Variants in MACC1 observed in about 807,000 individuals in gnomAD.
MACC1 encodes the protein MET transcriptional regulator MACC1, also known as metastasis-associated in colon cancer protein 1.
MACC1 carries 79 observed loss-of-function variants against 70.7 expected under a neutral mutation model. The observed-to-expected ratio is 1.12, with a 90% CI of 0.93 to 1.35. The LOEUF is 1.35. MACC1 is among the 40% of genes most tolerant of loss of function. The pLI is 0.00. For missense variants in MACC1, 1,106 were observed against 978.1 expected (o/e 1.13, Z -1.74); for synonymous variants, 361 against 347.2 (o/e 1.04, Z -0.44).
At chr7:20,173,750 A>G (rs1782348746) in intron 1 of MACC1, among the ~76,000 whole-genome samples, 1 of 152,150 alleles carries the variant, frequency 6.6e-6, no homozygotes, top group Non-Finnish European at 1.5e-5. Flanking sequence ...GTAGTCTCTG[A>G]AATGTAATAA....
At chr7:20,215,332 A>G (rs1020786384) in intron 1 of MACC1, among the ~76,000 whole-genome samples, 20 of 152,088 alleles carry the variant, frequency 1.3e-4, no homozygotes, top group African/African-American at 3.9e-4. Context: ...TAGCCTCTAA[A>G]CCCAGCCCAG....
intron 1 of MACC1, among the ~76,000 whole-genome samples, chr7:20,191,496 G>A (rs1782671980): frequency 6.6e-6 from 1 of 152,146 alleles, no homozygotes; most frequent in African/African-American, 2.4e-5. Flanking sequence ...TGCTCTGTAG[G>A]AGTTGGTGCT....
intron 2 of MACC1, among the ~76,000 whole-genome samples, chr7:20,165,788 A>G (rs1383087600): frequency 6.6e-6 from 1 of 152,174 alleles, no homozygotes; most frequent in African/African-American, 2.4e-5. Context: ...TTAATTTGGG[A>G]CATGGTTTTT....
At chr7:20,142,852 C>T (rs1489969202) in intron 6 of MACC1, among the ~76,000 whole-genome samples, 3 of 152,170 alleles carry the variant, frequency 2.0e-5, no homozygotes, top group Admixed American at 6.5e-5. Context: ...TTCAAATTGT[C>T]ACGTATTTTT....
At chr7:20,204,555 T>G (rs1055781817) in intron 1 of MACC1, among the ~76,000 whole-genome samples, 4 of 152,158 alleles carry the variant, frequency 2.6e-5, no homozygotes, top group African/African-American at 9.7e-5. Context: ...TCAATCCGAG[T>G]CCAAGTGAAA....
intron 1 of MACC1, among the ~76,000 whole-genome samples, chr7:20,199,711 AG>A (rs1244448119): frequency 5.9e-5 from 9 of 152,246 alleles, no homozygotes; most frequent in African/African-American, 2.2e-4. Context: ...AGGAACTCAC[AG>A]AGGTGAGTCA....
chr7:20,187,339 C>G (rs1267876598), intron 1 of MACC1, among the ~76,000 whole-genome samples: 1 of 151,984 alleles, frequency 6.6e-6, no homozygotes, highest in African/African-American at 2.4e-5. Context: ...ACAACAGGAA[C>G]AAAAAAATTC....
At chr7:20,193,927 G>C (rs1433912372) in intron 1 of MACC1, among the ~76,000 whole-genome samples, 2 of 151,954 alleles carry the variant, frequency 1.3e-5, no homozygotes, top group Non-Finnish European at 1.5e-5. Context: ...CATGTTTAAA[G>C]AAAACATTTG....
At chr7:20,217,253 A>C (rs1486043878) in intron 1 of MACC1, 46 bp downstream of exon 1, 1 of 152,222 alleles carries the variant, frequency 6.6e-6, no homozygotes, top group Non-Finnish European at 1.5e-5. Context: ...TGTGTAGCAC[A>C]TATCAATAGT....
chr7:20,166,429 CTGT>C (rs1183166759), intron 2 of MACC1, among the ~76,000 whole-genome samples: 1 of 152,160 alleles, frequency 6.6e-6, no homozygotes, highest in Non-Finnish European at 1.5e-5. Context: ...CATTACCATG[CTGT>C]GAGTGGCCTT....
chr7:20,149,298 T>A (rs1425958362), intron 6 of MACC1, among the ~76,000 whole-genome samples: 3 of 152,190 alleles, frequency 2.0e-5, no homozygotes, highest in Non-Finnish European at 4.4e-5. Context: ...TATTTTATTC[T>A]ATTTTCCAAA....
chr7:20,158,897 T>C lies in MACC1; in HGVS notation c.1464A>G (p.Gln488=), dbSNP rs769854295. 1.2e-6 allele frequency: 2 copies of C among 1,614,062 alleles called. No homozygotes were observed. Among genetic ancestry groups the C allele is most frequent in the Non-Finnish European group, 1.7e-6 (2 of 1,180,014 alleles). Residue 488 remains glutamine (Q), a synonymous_variant, in exon 5 of 7, where the codon CAA becomes CAG. Transcript: ENST00000400331. ...CTGGTTCACCATTGGGAGGCTCCAC[T>C]TGAACACAAAAATCAAACAAGTGCA... ...REMHLFDFCV[Q]VEPPNGEPVA...
At position 20,139,951 on chromosome 7, in the gene MACC1, G is replaced by A. The variant is rs981452699; in HGVS notation, c.*995C>T. 2 of 151,938 alleles carry A rather than the reference G, an allele frequency of 1.3e-5. No homozygotes were observed. Among genetic ancestry groups the A allele is most frequent in the African/African-American group, 4.8e-5 (2 of 41,352 alleles). The allele number at this position is 151,938 out of a possible 1,614,324, so 9.4% of individuals were successfully genotyped here. The stretch of plus-strand genomic sequence containing the variant: ...TCAACAGGGTAATCAAGTTAATCAA[G>A]TTTCTGGTGGTGGTGGTTTTTAATA... On this transcript the variant is annotated 3_prime_UTR_variant, in exon 7 of 7. Coordinates refer to ENST00000400331, the MANE Select transcript of MACC1 (RefSeq NM_182762.4).
At chr7:20,148,859 A>C (rs1781933867) in intron 6 of MACC1, among the ~76,000 whole-genome samples, 1 of 152,218 alleles carries the variant, frequency 6.6e-6, no homozygotes, top group African/African-American at 2.4e-5. Flanking sequence ...CATTCTATAC[A>C]TTTTACAACT....
chr7:20,145,297 T>G (rs1781873089), intron 6 of MACC1, among the ~76,000 whole-genome samples: 1 of 152,010 alleles, frequency 6.6e-6, no homozygotes. Context: ...TTAGCAGGAC[T>G]TTGGTAACTT....
In MACC1 at chr7:20,140,840, GAC is replaced by G. The variant is rs374483273; in HGVS notation, c.*104_*105del. 1.1e-3 allele frequency: 753 copies of G among 677,828 alleles called. 1 individual carries two copies. The highest frequency in any genetic ancestry group is 2.0e-3 in the Middle Eastern group (6 of 2,958). The allele number at this position is 677,828 out of a possible 1,614,324, so 42.0% of individuals were successfully genotyped here. On this transcript the variant is annotated 3_prime_UTR_variant, in exon 7 of 7. Coordinates refer to ENST00000400331, the MANE Select transcript of MACC1 (RefSeq NM_182762.4). ...ACACACACACAGACACACACACACA[GAC>G]ACACACACACAGACACACAGAGACA...
At position 20,154,343 on chromosome 7, in the gene MACC1, A is replaced by G; in HGVS notation, c.2196T>C (p.Arg732=). The G allele has an allele frequency of 2.5e-6, 4 of 1,613,880 alleles. No individual in the cohort carries two copies. Among genetic ancestry groups the G allele is most frequent in the African/African-American group, 1.3e-5 (1 of 75,020 alleles). Residue 732 remains arginine, a synonymous_variant, in exon 6 of 7, where the codon CGT becomes CGC. Coordinates refer to ENST00000400331, the MANE Select transcript of MACC1 (RefSeq NM_182762.4). ...TCAGAACAGCAGCTTCTTGGATGAG[A>G]CGTGCGACTAACTCTTGGCAATCCA... is the stretch of plus-strand genomic sequence containing the variant. ...LKMDCQELVA[R]LIQEAAVLTS...
chr7:20,201,941 C>T (rs1378155579), intron 1 of MACC1, among the ~76,000 whole-genome samples: 2 of 152,192 alleles, frequency 1.3e-5, no homozygotes, highest in East Asian at 1.9e-4. Context: ...AATTATTCTT[C>T]GTGTTTTTTC....
intron 1 of MACC1, among the ~76,000 whole-genome samples, chr7:20,174,291 G>C (rs78513711): frequency 0.013 from 2,039 of 152,196 alleles, 44 homozygotes; most frequent in African/African-American, 0.046. Context: ...ATCAGCATCT[G>C]GCAAAACTTA....
Sources: allele counts gnomAD v4.1 joint callset (sites outside exome capture counted in the v4.1 genomes callset), GRCh38; gene constraint gnomAD v4.1.1; transcripts MANE v1.5; gene names NCBI Gene and HGNC (gene_info 2026-07-23, HGNC 2026-07-21).